Variants in DACT1 observed in about 807,000 individuals in gnomAD.
The protein encoded by DACT1 is dapper homolog 1.
DACT1 carries 19 observed loss-of-function variants against 35.3 expected under a neutral mutation model. The observed-to-expected ratio is 0.54, with a 90% CI of 0.38 to 0.79. DACT1 has a LOEUF of 0.79. Ranked by LOEUF, DACT1 falls within the 30% of genes least tolerant of loss-of-function variation. The pLI is 0.00. For missense variants in DACT1, 1,143 were observed against 1,057.5 expected, an observed-to-expected ratio of 1.08 and a Z score of -1.12; for synonymous variants, 545 against 466.7, an observed-to-expected ratio of 1.17 and a Z score of -2.16.
Position 58,641,694 on chromosome 14 carries a change from G to A in DACT1, c.581G>A (p.Cys194Tyr). The A allele has an allele frequency of 1.2e-6, 2 of 1,614,182 alleles. No individual in the cohort carries two copies. Among genetic ancestry groups the A allele is most frequent in the Non-Finnish European group, 1.7e-6 (2 of 1,180,028 alleles). ...AGTTGTCATTCCAGCACCTGCTTTT[G>A]CAGCCCCTTGGAGGCGACCTTGAGT... ...LSSCHSSTCF[C>Y]SPLEATLSLS... Residue 194 changes from cysteine to tyrosine, a missense_variant, in exon 3 of 4, where the codon TGC becomes TAC. Coordinates refer to ENST00000395153, the MANE Select transcript of DACT1 (RefSeq NM_001079520.2).
In DACT1 at chr14:58,645,986, A is replaced by C; in HGVS notation, c.1252A>C (p.Thr418Pro). The C allele has an allele frequency of 5.0e-6, 8 of 1,613,788 alleles. No homozygotes were observed. Among genetic ancestry groups the C allele is most frequent in the Non-Finnish European group, 5.1e-6 (6 of 1,180,004 alleles). ...CCTTCAGAGTAAGCACCTGCCAAAAACGGCCAAGCCAGCCTCGCAAGAACA... is the reference window on the plus strand; with the variant it reads ...CCTTCAGAGTAAGCACCTGCCAAAACCGGCCAAGCCAGCCTCGCAAGAACA... ...SDLQSKHLPK[T>P]AKPASQEHAR... Residue 418 changes from threonine to proline, a missense_variant, in exon 4 of 4, where the codon ACG becomes CCG. Physicochemically the swap from Thr to Pro is conservative, Grantham distance 38 (BLOSUM62 -1). Coordinates refer to ENST00000395153, the MANE Select transcript of DACT1 (RefSeq NM_001079520.2).
rs2047672135 is a variant in DACT1 at position 58,645,887 on chromosome 14, G to C, written c.1153G>C (p.Glu385Gln). ...CTCCCCACCGAAGCAGTGGTCGAAA[G>C]AATCAAAGGCCGAACAAGCCGAAAG... ...TFSPPKQWSK[E>Q]SKAEQAESKR... The change falls in exon 4 of 4, where the codon GAA becomes CAA. Residue 385 changes from glutamate to glutamine, a missense_variant. Around this residue, in one of 3 missense-constraint regions of DACT1, gnomAD observed 1,054 missense variants for 958.8 expected, o/e 1.10. Transcript: ENST00000395153. 6.2e-7 allele frequency: 1 copy of C among 1,614,228 alleles called. No individual in the cohort carries two copies. Among genetic ancestry groups the C allele is most frequent in the African/African-American group, 1.3e-5 (1 of 75,068 alleles).
Position 58,641,593 on chromosome 14 carries a change from G to A in DACT1, c.480G>A (p.Gly160=), listed in dbSNP as rs749752608. ...HLETDSRPSS[G]FYELSDGASG... ...TTCCAACGGTGTTTTTATTTGTAGG[G>A]TTTTATGAGCTGAGTGATGGGGCTT... Residue 160 remains glycine, a splice_region_variant and synonymous_variant, in exon 3 of 4, where the codon GGG becomes GGA. Transcript: ENST00000395153. The A allele has an allele frequency of 6.2e-6, 10 of 1,612,926 alleles. No individual in the cohort carries two copies. In the South Asian group the frequency reaches 8.8e-5, roughly 14 times the overall value.
intron 1 of DACT1, among the ~76,000 whole-genome samples, chr14:58,639,697 CAA>C (rs2140212568): frequency 6.6e-6 from 1 of 152,238 alleles, no homozygotes; most frequent in East Asian, 1.9e-4. Context: ...CTTTTTAAGT[CAA>C]AAGACAAGAG....
Position 58,638,431 on chromosome 14 carries a change from G to T in DACT1, c.229G>T (p.Gly77Trp), listed in dbSNP as rs767731225. ...LLVRGALRGA[G>W]GAGAAAPRAG... is the part of the protein sequence containing the mutation. ...GGTCAGGGGCGCCCTGCGCGGCGCC[G>T]GGGGTGCGGGAGCCGCTGCGCCCCG... Residue 77 changes from glycine to tryptophan, a missense_variant, in exon 1 of 4, where the codon GGG becomes TGG. Physicochemically the swap from Gly to Trp is radical, Grantham distance 184. Coordinates refer to ENST00000395153, the MANE Select transcript of DACT1 (RefSeq NM_001079520.2). The T allele has an allele frequency of 3.8e-6, 5 of 1,328,722 alleles. No homozygotes were observed. Among genetic ancestry groups the T allele is most frequent in the Admixed American group, 7.0e-5 (2 of 28,580 alleles). The allele number at this position is 1,328,722 out of a possible 1,614,324, so 82.3% of individuals were successfully genotyped here.
chr14:58,642,226 A>C (rs974023408), intron 3 of DACT1, among the ~76,000 whole-genome samples: 4 of 152,084 alleles, frequency 2.6e-5, no homozygotes, highest in African/African-American at 9.7e-5. Flanking sequence ...GTGGCTCATG[A>C]CTATAATCCT....
upstream of DACT1, among the ~76,000 whole-genome samples, chr14:58,636,913 G>T (rs957603441): frequency 1.3e-5 from 2 of 151,948 alleles, no homozygotes; most frequent in African/African-American, 4.8e-5. Context: ...ACTTCAAGAG[G>T]GAAGACTTAT....
rs780791229 is a variant in DACT1 at position 58,646,639 on chromosome 14, G to A, written c.1905G>A (p.Lys635=). 5 of 1,611,792 alleles carry A rather than the reference G, an allele frequency of 3.1e-6. No homozygotes were observed. Among genetic ancestry groups the A allele is most frequent in the Non-Finnish European group, 3.4e-6 (4 of 1,179,392 alleles). ...CGGTGGTGGCCAAACCTAAGCACAA[G>A]CGAACTGACTACCGGCGGTGGAAGT... The part of the protein sequence containing the change: ...REAVVAKPKH[K]RTDYRRWKSS... Residue 635 remains lysine (K), a synonymous_variant, in exon 4 of 4, where the codon AAG becomes AAA. Coordinates refer to ENST00000395153, the MANE Select transcript of DACT1 (RefSeq NM_001079520.2).
intron 3 of DACT1, among the ~76,000 whole-genome samples, chr14:58,643,969 CCT>C (rs1347022177): frequency 1.3e-5 from 2 of 151,942 alleles, no homozygotes; most frequent in Admixed American, 1.3e-4. Context: ...CTATTTTTTC[CCT>C]GAGACCGCTA....
rs202018245 is a variant in DACT1 at position 58,646,595 on chromosome 14, C to T, written c.1861C>T (p.His621Tyr). Reference sequence around the variant, plus strand: ...GGGCCACAGGGCGGGGAGCAGGGCGCATGGCCACGGACGGGAGGCGGTGGT... The same window carrying T: ...GGGCCACAGGGCGGGGAGCAGGGCGTATGGCCACGGACGGGAGGCGGTGGT... Reference protein sequence around the residue: ...GGGHRAGSRAHGHGREAVVAK... With the variant: ...GGGHRAGSRAYGHGREAVVAK... Residue 621 changes from histidine (H) to tyrosine (Y), a missense_variant, in exon 4 of 4, where the codon CAT (histidine) becomes TAT (tyrosine). Coordinates refer to ENST00000395153, the MANE Select transcript of DACT1 (RefSeq NM_001079520.2). 7.9e-4 allele frequency: 1,257 copies of T among 1,590,870 alleles called. 2 individuals are homozygous for T. Among genetic ancestry groups the T allele is most frequent in the Non-Finnish European group, 9.9e-4 (1,152 of 1,168,976 alleles).
At chr14:58,643,989 T>C (rs1307803438) in intron 3 of DACT1, among the ~76,000 whole-genome samples, 3 of 152,226 alleles carry the variant, frequency 2.0e-5, no homozygotes, top group Non-Finnish European at 2.9e-5. Flanking sequence ...CTAATTATCA[T>C]TGAAGTTTAT....
chr14:58,637,250 C>G (rs1413104167), upstream of DACT1, among the ~76,000 whole-genome samples: 1 of 152,210 alleles, frequency 6.6e-6, no homozygotes, highest in Non-Finnish European at 1.5e-5. Context: ...CGCGCGCACT[C>G]AAATCGTAGG....
In DACT1 at chr14:58,641,661, G is replaced by T. The variant is rs1217222019; in HGVS notation, c.548G>T (p.Cys183Phe). ...TCCTCTAACTCGGTGTTCAGTGAGTGTTTATCCAGTTGTCATTCCAGCACC... is the reference window on the plus strand; with the variant it reads ...TCCTCTAACTCGGTGTTCAGTGAGTTTTTATCCAGTTGTCATTCCAGCACC... ...SNSSNSVFSE[C>F]LSSCHSSTCF... Residue 183 changes from cysteine to phenylalanine, a missense_variant, in exon 3 of 4, where the codon TGT (cysteine) becomes TTT (phenylalanine). Coordinates refer to ENST00000395153, the MANE Select transcript of DACT1 (RefSeq NM_001079520.2). 1.2e-6 allele frequency: 2 copies of T among 1,614,050 alleles called. No homozygotes were observed. Among genetic ancestry groups the T allele is most frequent in the Non-Finnish European group, 8.5e-7 (1 of 1,180,000 alleles).
Position 58,646,530 on chromosome 14 carries a change from G to T in DACT1, c.1796G>T (p.Gly599Val). ...KASSKGRKSG[G>V]GPEAGVPGRP... ...TCCTCCAAGGGGAGGAAGAGTGGGG[G>T]CGGGCCCGAGGCTGGTGTTCCCGGC... Residue 599 changes from glycine to valine, a missense_variant, in exon 4 of 4, where the codon GGC becomes GTC. By Grantham distance (109) the Gly-to-Val change is moderately radical (BLOSUM62 -3). This residue lies in a region of DACT1 where 1,054 missense variants were observed against 958.8 expected (regional missense o/e 1.10). Coordinates refer to ENST00000395153, the MANE Select transcript of DACT1 (RefSeq NM_001079520.2). The T allele has an allele frequency of 1.7e-5, 26 of 1,556,296 alleles. No individual in the cohort carries two copies. The highest frequency in any genetic ancestry group is 2.2e-5 in the Non-Finnish European group (25 of 1,153,804).
chr14:58,638,920 A>C, intron 1 of DACT1: 2 of 1,002,444 alleles, frequency 2.0e-6, no homozygotes, highest in African/African-American at 1.7e-5. Context: ...CCCACTTAAA[A>C]TACCATTTTA....
rs758373882 is a variant in DACT1, at chr14:58,646,218, T to C, written c.1484T>C (p.Val495Ala). 6.2e-7 allele frequency: 1 copy of C among 1,613,850 alleles called. No homozygotes were observed. Among genetic ancestry groups the C allele is most frequent in the Non-Finnish European group, 8.5e-7 (1 of 1,179,918 alleles). The change falls in exon 4 of 4, where the codon GTG becomes GCG. Residue 495 changes from valine (V) to alanine (A), a missense_variant. Val to Ala is a moderately conservative substitution (Grantham distance 64). Transcript: ENST00000395153. ...CCCCTGCTGTCTACAGCTTTCCCCG[T>C]GGAAGAGAGGCCTGCCTTGGATTTC... ...TPPLLSTAFP[V>A]EERPALDFKS...
In DACT1 at chr14:58,638,273, C is replaced by T. The variant is rs1316889960; in HGVS notation, c.71C>T (p.Thr24Met). The T allele has an allele frequency of 1.5e-6, 2 of 1,357,468 alleles. No homozygotes were observed. The highest frequency in any genetic ancestry group is 1.9e-6 in the Non-Finnish European group (2 of 1,058,364). 84.1% of individuals were successfully genotyped at this position (1,357,468 alleles called of 1,614,324 possible). A position where few individuals can be genotyped will look rare whatever the true frequency, so the allele number is the denominator to read the frequency against. ...PPAPARGEQR[T>M]AEPEGRWREK... ...GCGCCGGCCCGAGGCGAGCAGCGCA[C>T]GGCGGAGCCCGAGGGGCGCTGGCGG... The change falls in exon 1 of 4, where the codon ACG (threonine) becomes ATG (methionine). Residue 24 changes from threonine (T) to methionine (M), a missense_variant. Physicochemically the swap from Thr to Met is moderately conservative, Grantham distance 81. Transcript: ENST00000395153.
intron 1 of DACT1, 177 bp downstream of exon 1, chr14:58,638,724 C>CG: frequency 8.4e-7 from 1 of 1,185,370 alleles, no homozygotes; most frequent in South Asian, 4.4e-5. Flanking sequence ...GGCGTGTGGG[C>CG]TGCCGACGCC....
intron 2 of DACT1, among the ~76,000 whole-genome samples, chr14:58,641,196 A>G (rs2047623336): frequency 1.4e-5 from 2 of 142,320 alleles, no homozygotes; most frequent in African/African-American, 5.5e-5. Flanking sequence ...ACTTCCTGAG[A>G]CCACTTCAAA....
Sources: allele counts gnomAD v4.1 joint callset (sites outside exome capture counted in the v4.1 genomes callset), GRCh38; gene constraint gnomAD v4.1.1; regional missense constraint gnomAD v4.1.1; transcripts MANE v1.5; gene names NCBI Gene and HGNC (gene_info 2026-07-23, HGNC 2026-07-21).